Variants in CYP4B1 observed in about 807,000 individuals in gnomAD.
The protein encoded by CYP4B1 is cytochrome P450 family 4 subfamily B member 1.
CYP4B1 carries 45 observed loss-of-function variants against 54.0 expected under a neutral mutation model. That is an observed-to-expected ratio of 0.83 (90% CI 0.66 to 1.07). The LOEUF (loss-of-function observed/expected upper bound fraction) is 1.07. Among genes scored for constraint, CYP4B1 ranks in the 50% least tolerant of loss-of-function variants. The pLI is 0.00. For missense variants in CYP4B1, 656 were observed against 655.4 expected, an observed-to-expected ratio of 1.00 and a Z score of -0.01; for synonymous variants, 248 against 247.5, an observed-to-expected ratio of 1.00 and a Z score of -0.02.
chr1:46,818,307 A>T lies in CYP4B1; in HGVS notation c.1355+94A>T. ...GGCACTATTAGAAGGTACTCTGAAT[A>T]AAGGGGAATCATGCTGGGTTTGTGG... On this transcript the variant is annotated intron_variant, in intron 11 of 11. Coordinates refer to ENST00000371923, the MANE Select transcript of CYP4B1 (RefSeq NM_001099772.2). 3 of 1,172,244 alleles carry T rather than the reference A, an allele frequency of 2.6e-6. No homozygotes were observed. In the Admixed American group the frequency reaches 5.5e-5, roughly 21 times the overall value. The allele number at this position is 1,172,244 out of a possible 1,614,324, so 72.6% of individuals were successfully genotyped here. A position where few individuals can be genotyped will look rare whatever the true frequency, so the allele number is the denominator to read the frequency against.
chr1:46,818,320 G>A, intron 11 of CYP4B1, 107 bp downstream of exon 11: 2 of 1,094,284 alleles, frequency 1.8e-6, no homozygotes, highest in South Asian at 2.6e-5. Flanking sequence ...GGGGAATCAT[G>A]CTGGGTTTGT....
Position 46,799,058 on chromosome 1 carries a change from G to C in CYP4B1, c.-24G>C. 1 of 1,613,012 alleles carries C rather than the reference G, an allele frequency of 6.2e-7. No homozygotes were observed. Among genetic ancestry groups the C allele is most frequent in the Non-Finnish European group, 8.5e-7 (1 of 1,179,506 alleles). On this transcript the variant is annotated 5_prime_UTR_variant, in exon 1 of 12. Transcript: ENST00000371923. The stretch of plus-strand genomic sequence containing the variant: ...AGCAGCTGAAGGCAGGTCAGATGAA[G>C]GCTAGGTGGCTGGAACTGCAACCAT...
chr1:46,801,888 G>A (rs1053253172), intron 1 of CYP4B1, among the ~76,000 whole-genome samples: 2 of 152,160 alleles, frequency 1.3e-5, no homozygotes, highest in African/African-American at 4.8e-5. Context: ...AGCAATGATG[G>A]GAGTAGGAAG....
chr1:46,811,267 A>C, intron 3 of CYP4B1, 83 bp downstream of exon 3: 1 of 1,419,506 alleles, frequency 7.0e-7, no homozygotes, highest in Non-Finnish European at 1.0e-6. Context: ...GTCCCACTCA[A>C]TTGGTTATCC....
intron 1 of CYP4B1, among the ~76,000 whole-genome samples, chr1:46,806,196 T>C (rs1678852874): frequency 6.6e-6 from 1 of 152,244 alleles, no homozygotes; most frequent in African/African-American, 2.4e-5. Context: ...GCAGGCACCC[T>C]GTGTGCTGGG....
chr1:46,809,044 C>T (rs1300606617), intron 1 of CYP4B1, among the ~76,000 whole-genome samples: 1 of 150,770 alleles, frequency 6.6e-6, no homozygotes, highest in Non-Finnish European at 1.5e-5. Context: ...GGGTGCAGCG[C>T]ACCAGCATGG....
chr1:46,818,659 A>C lies in CYP4B1; in HGVS notation c.1384A>C (p.Ser462Arg). ...CTGCATTGGGCAGCAGTTTGCCATG[A>C]GTGAGATGAAGGTGGTCACAGCCAT... ...RNCIGQQFAM[S>R]EMKVVTAMCL... The change falls in exon 12 of 12, where the codon AGT becomes CGT. Residue 462 changes from serine (S) to arginine (R), a missense_variant. Transcript: ENST00000371923. 1 of 1,614,144 alleles carries C rather than the reference A, an allele frequency of 6.2e-7. No homozygotes were observed. Among genetic ancestry groups the C allele is most frequent in the South Asian group, 1.1e-5 (1 of 91,072 alleles).
At chr1:46,800,211 C>CTG in intron 1 of CYP4B1, among the ~76,000 whole-genome samples, 1 of 30,944 alleles carries the variant, frequency 3.2e-5, no homozygotes, top group Admixed American at 5.2e-4. Flanking sequence ...TTCTTTCTTT[C>CTG]TTTCTCTTTC....
intron 8 of CYP4B1, among the ~76,000 whole-genome samples, chr1:46,815,636 C>T (rs746941160): frequency 2.0e-5 from 3 of 152,180 alleles, no homozygotes; most frequent in Non-Finnish European, 4.4e-5. Flanking sequence ...GCTGAGACAG[C>T]TGGGAGAGCC....
chr1:46,807,439 G>T (rs1289441513), intron 1 of CYP4B1, among the ~76,000 whole-genome samples: 1 of 152,188 alleles, frequency 6.6e-6, no homozygotes, highest in Non-Finnish European at 1.5e-5. Flanking sequence ...GACCTGGTAG[G>T]GATGGAGAGA....
At position 46,809,318 on chromosome 1, in the gene CYP4B1, C is replaced by T. The variant is rs191832997; in HGVS notation, c.181-1490C>T. Among the ~76,000 whole-genome samples the T allele has an allele frequency of 7.9e-3, 1,202 of 152,284 alleles. 10 individuals carry two copies. The highest frequency in any genetic ancestry group is 0.013 in the Non-Finnish European group (881 of 68,012). On this transcript the variant is annotated intron_variant, in intron 1 of 11. Transcript: ENST00000371923. ...CAACACCTCCCATGAGGCCCCACCT[C>T]CAACATTGGAGATCAGATTTCAAAA...
In CYP4B1 at chr1:46,818,867, C is replaced by T. The variant is rs1679447163; in HGVS notation, c.*53C>T. 8.3e-6 allele frequency: 13 copies of T among 1,572,374 alleles called. No individual in the cohort carries two copies. In the South Asian group the frequency reaches 1.4e-4, roughly 16 times the overall value. On this transcript the variant is annotated 3_prime_UTR_variant, in exon 12 of 12. Coordinates refer to ENST00000371923, the MANE Select transcript of CYP4B1 (RefSeq NM_001099772.2). ...CTCAGGCTGTGACCTCCCTGGGCAC[C>T]ACCCTCCCCAGGCTGGGTGTGGAGG...
In CYP4B1 at chr1:46,810,870, C is replaced by A; in HGVS notation, c.243C>A (p.His81Gln). Reference protein sequence around the residue: ...VSWAHQFPYAHPLWFGQFIGF... With the variant: ...VSWAHQFPYAQPLWFGQFIGF... ...GGGCCCACCAGTTCCCGTATGCCCACCCACTCTGGTTCGGACAGTTCATTG... is the reference window on the plus strand; with the variant it reads ...GGGCCCACCAGTTCCCGTATGCCCAACCACTCTGGTTCGGACAGTTCATTG... Residue 81 changes from histidine to glutamine, a missense_variant, in exon 2 of 12, where the codon CAC becomes CAA. Transcript: ENST00000371923. 6.2e-7 allele frequency: 1 copy of A among 1,614,114 alleles called. No individual in the cohort carries two copies. Among genetic ancestry groups the A allele is most frequent in the Non-Finnish European group, 8.5e-7 (1 of 1,179,990 alleles).
chr1:46,819,201 C>T lies in CYP4B1; in HGVS notation c.*387C>T, dbSNP rs1482047826. 1 of 177,308 alleles carries T rather than the reference C, an allele frequency of 5.6e-6. No homozygotes were observed. The highest frequency in any genetic ancestry group is 1.2e-5 in the Non-Finnish European group (1 of 84,364). 11.0% of individuals were successfully genotyped at this position (177,308 alleles called of 1,614,324 possible). ...GATTCATGGTTATGGCTGGGTACCACCAAATAGAAGAATGGCTTAGGGGAG... is the reference window on the plus strand; with the variant it reads ...GATTCATGGTTATGGCTGGGTACCATCAAATAGAAGAATGGCTTAGGGGAG... On this transcript the variant is annotated 3_prime_UTR_variant, in exon 12 of 12. Coordinates refer to ENST00000371923, the MANE Select transcript of CYP4B1 (RefSeq NM_001099772.2).
chr1:46,812,184 C>T (rs769375737), intron 3 of CYP4B1: 5 of 512,266 alleles, frequency 9.8e-6, no homozygotes, highest in East Asian at 1.0e-4. Flanking sequence ...CAGGGGGATG[C>T]GTGTCCTTTG....
intron 1 of CYP4B1, among the ~76,000 whole-genome samples, chr1:46,807,314 A>C (rs1172249029): frequency 1.3e-5 from 2 of 151,954 alleles, no homozygotes; most frequent in Admixed American, 1.3e-4. Context: ...ATAAGGAGGG[A>C]AGTGGGGCTT....
chr1:46,804,448 T>TTA lies in CYP4B1; in HGVS notation c.180+5187_180+5188insTA, dbSNP rs536819413. On this transcript the variant is annotated intron_variant, in intron 1 of 11. Coordinates refer to ENST00000371923, the MANE Select transcript of CYP4B1 (RefSeq NM_001099772.2). ...TCATTTTCTTTCTTTTTTTTTTTTT[T>TTA]AAAGTGAGAGACTTGAACAAATTTT... Among the ~76,000 whole-genome samples the TTA allele has an allele frequency of 9.9e-5, 15 of 151,162 alleles. No individual in the cohort carries two copies. In the South Asian group the frequency reaches 3.1e-3, roughly 32 times the overall value.
intron 1 of CYP4B1, among the ~76,000 whole-genome samples, chr1:46,803,033 G>A (rs1332953168): frequency 1.3e-5 from 2 of 152,222 alleles, no homozygotes; most frequent in African/African-American, 2.4e-5. Context: ...CTGCAGTGGT[G>A]ACAGGGAGGA....
chr1:46,814,459 TAGC>T, intron 7 of CYP4B1, 144 bp downstream of exon 7: 1 of 674,436 alleles, frequency 1.5e-6, no homozygotes, highest in Non-Finnish European at 2.6e-6. Flanking sequence ...TGAAACATAT[TAGC>T]AGGGGTTCAG....
Sources: allele counts gnomAD v4.1 joint callset (sites outside exome capture counted in the v4.1 genomes callset), GRCh38; gene constraint gnomAD v4.1.1; transcripts MANE v1.5; gene names NCBI Gene and HGNC (gene_info 2026-07-23, HGNC 2026-07-21).